Variants in TRIT1 observed in about 807,000 individuals in gnomAD.
The protein encoded by TRIT1 is tRNA dimethylallyltransferase.
In TRIT1, 43 loss-of-function variants were observed where a neutral mutation model predicts 51.2. The observed-to-expected ratio is 0.84, with a 90% CI of 0.66 to 1.08. The LOEUF is 1.08. TRIT1 is among the 50% of genes least tolerant of loss of function. TRIT1 has a pLI of 0.00. For synonymous variants in TRIT1, 184 were observed against 203.9 expected (o/e 0.90, Z 0.83); for missense variants, 528 against 578.4 (o/e 0.91, Z 0.89).
chr1:39,844,405 G>A (rs2124576503), intron 9 of TRIT1, 126 bp downstream of exon 9: 1 of 883,364 alleles, frequency 1.1e-6, no homozygotes, highest in Non-Finnish European at 1.8e-6. Flanking sequence ...GTATTAAAAA[G>A]CAGCCAGCCC....
intron 1 of TRIT1, among the ~76,000 whole-genome samples, chr1:39,866,559 T>C (rs528808414): frequency 3.7e-4 from 57 of 152,164 alleles, no homozygotes; most frequent in Non-Finnish European, 7.4e-4. Context: ...TAAACATAAC[T>C]TCAGTAGGTT....
At chr1:39,844,242 A>T (rs1313577917) in intron 9 of TRIT1, 24 bp from the exon 10 acceptor site, 1 of 1,541,886 alleles carries the variant, frequency 6.5e-7, no homozygotes, top group African/African-American at 1.4e-5. Context: ...GGTGGAAGGG[A>T]GTATTCAATT....
Position 39,841,713 on chromosome 1 carries a change from C to T in TRIT1, c.*31G>A, listed in dbSNP as rs375032892. 2.7e-5 allele frequency: 43 copies of T among 1,588,260 alleles called. No individual in the cohort carries two copies. Among genetic ancestry groups the T allele is most frequent in the Non-Finnish European group, 3.4e-5 (40 of 1,168,358 alleles). On this transcript the variant is annotated 3_prime_UTR_variant, in exon 11 of 11. Coordinates refer to ENST00000316891, the MANE Select transcript of TRIT1 (RefSeq NM_017646.6). ...CCCTCCCTCCTGAACTGGATCCCCA[C>T]CACCTTTCCAAAGGCCACTGGACAT...
Position 39,848,090 on chromosome 1 carries a change from A to T in TRIT1, c.711T>A (p.Asp237Glu), listed in dbSNP as rs752872268. ...CATCCACCCTCTTATCCAAGCGCTC[A>T]TCTAGAACTTGAATCAAATTAGCCC... is the stretch of plus-strand genomic sequence containing the variant. ...LWLHADQAVL[D>E]ERLDKRVDDM... The change falls in exon 6 of 11, where the codon GAT becomes GAA. Residue 237 changes from aspartate to glutamate, a missense_variant. Transcript: ENST00000316891. 5 of 1,613,958 alleles carry T rather than the reference A, an allele frequency of 3.1e-6. No individual in the cohort carries two copies. Among genetic ancestry groups the T allele is most frequent in the Non-Finnish European group, 4.2e-6 (5 of 1,179,860 alleles).
rs975558410 is a variant in TRIT1, at chr1:39,847,967, A to G, written c.815+19T>C. 5.6e-6 allele frequency: 9 copies of G among 1,605,744 alleles called. No individual in the cohort carries two copies. In the African/African-American group the frequency reaches 9.4e-5, roughly 17 times the overall value. On this transcript the variant is annotated intron_variant, in intron 6 of 10. Coordinates refer to ENST00000316891, the MANE Select transcript of TRIT1 (RefSeq NM_017646.6). ...TGCAAAATATGGACAGTAGGTCAGA[A>G]TAACAGCCAAATCCTCACCTATTTT...
intron 1 of TRIT1, among the ~76,000 whole-genome samples, chr1:39,879,981 C>T (rs552100566): frequency 8.7e-5 from 13 of 150,214 alleles, no homozygotes; most frequent in East Asian, 5.9e-4. Context: ...TCAAGACCAT[C>T]GTGGCCAACA....
chr1:39,844,919 T>C (rs780260608), intron 8 of TRIT1, among the ~76,000 whole-genome samples: 3 of 152,230 alleles, frequency 2.0e-5, no homozygotes, highest in Non-Finnish European at 4.4e-5. Flanking sequence ...CAAGTGACCA[T>C]TGTGTGAGCT....
intron 2 of TRIT1, among the ~76,000 whole-genome samples, chr1:39,855,652 C>G (rs1463626242): frequency 6.6e-6 from 1 of 151,772 alleles, no homozygotes; most frequent in Non-Finnish European, 1.5e-5. Flanking sequence ...GATGTTCAAC[C>G]TGTAGTATGA....
rs116143180 is a variant in TRIT1, at chr1:39,862,661, G to A, written c.175-5244C>T. 4.3e-3 allele frequency: 1,994 copies of A among 465,618 alleles called. 30 individuals carry two copies. Among genetic ancestry groups the A allele is most frequent in the African/African-American group, 0.04 (1,881 of 46,988 alleles). 28.8% of individuals were successfully genotyped at this position (465,618 alleles called of 1,614,324 possible). On this transcript the variant is annotated intron_variant, in intron 1 of 10. Transcript: ENST00000316891. Reference sequence around the variant, plus strand: ...ACTTAGAAATTAATCAATTTTGTAAGTATCACATTTGGTCCAGAGGTTTAG... The same window carrying A: ...ACTTAGAAATTAATCAATTTTGTAAATATCACATTTGGTCCAGAGGTTTAG...
intron 2 of TRIT1, among the ~76,000 whole-genome samples, chr1:39,856,309 AAAT>A (rs1642894491): frequency 6.6e-6 from 1 of 151,936 alleles, no homozygotes; most frequent in Non-Finnish European, 1.5e-5. Context: ...CCGTCTCAAA[AAAT>A]AATAATAATA....
At chr1:39,867,076 G>A (rs1052269302) in intron 1 of TRIT1, among the ~76,000 whole-genome samples, 1 of 152,206 alleles carries the variant, frequency 6.6e-6, no homozygotes, top group African/African-American at 2.4e-5. Context: ...TGCAGATTAT[G>A]GCTTTTATTC....
chr1:39,856,747 A>G (rs1642924998), intron 2 of TRIT1, among the ~76,000 whole-genome samples: 1 of 152,128 alleles, frequency 6.6e-6, no homozygotes, highest in Non-Finnish European at 1.5e-5. Flanking sequence ...GTCCTCTCCC[A>G]TCTAACAACC....
rs557932546 is a variant in TRIT1, at chr1:39,860,679, G to A, written c.175-3262C>T. 2.0e-5 allele frequency among the ~76,000 whole-genome samples: 3 copies of A among 152,250 alleles called. No homozygotes were observed. The South Asian group carries it at 6.2e-4, about 32-fold the overall frequency. ...GACAAACTCTAAGTGAAACAAGATT[G>A]GCCAAGTGTTCATAATTATCGACTC... On this transcript the variant is annotated intron_variant, in intron 1 of 10. Coordinates refer to ENST00000316891, the MANE Select transcript of TRIT1 (RefSeq NM_017646.6).
intron 1 of TRIT1, among the ~76,000 whole-genome samples, chr1:39,868,768 G>C (rs1166070407): frequency 6.6e-6 from 1 of 151,314 alleles, no homozygotes; most frequent in African/African-American, 2.4e-5. Flanking sequence ...ATGAAAAGAA[G>C]CTCAACACTG....
intron 1 of TRIT1, among the ~76,000 whole-genome samples, chr1:39,867,675 G>A (rs1286784228): frequency 1.3e-5 from 2 of 152,214 alleles, no homozygotes; most frequent in African/African-American, 4.8e-5. Context: ...AAACACTGGA[G>A]AAGCTCTGCA....
At chr1:39,847,756 T>C in intron 6 of TRIT1, 96 bp from the exon 7 acceptor site, 3 of 1,590,274 alleles carry the variant, frequency 1.9e-6, no homozygotes, top group South Asian at 2.3e-5. Flanking sequence ...ATCTGTCAGA[T>C]AAGGAAATTG....
intron 2 of TRIT1, 118 bp downstream of exon 2, chr1:39,857,159 C>A (rs757102804): frequency 1.8e-6 from 2 of 1,140,526 alleles, no homozygotes; most frequent in Non-Finnish European, 2.4e-6. Flanking sequence ...TGGCATCCAT[C>A]AGTATTTAGG....
chr1:39,880,484 C>A (rs1363607441), intron 1 of TRIT1, among the ~76,000 whole-genome samples: 2 of 152,094 alleles, frequency 1.3e-5, no homozygotes, highest in South Asian at 2.1e-4. Flanking sequence ...CACTGAAAAG[C>A]AGCATCTCCT....
chr1:39,842,410 G>C (rs1641962826), intron 10 of TRIT1, among the ~76,000 whole-genome samples: 2 of 152,212 alleles, frequency 1.3e-5, no homozygotes, highest in African/African-American at 4.8e-5. Context: ...CTGTATTGCA[G>C]GGCATTGCCT....
Sources: gnomAD v4.1 joint callset for allele counts (sites outside exome capture counted in the v4.1 genomes callset) on GRCh38, gnomAD v4.1.1 for gene constraint, MANE v1.5 for transcripts, NCBI Gene and HGNC (gene_info 2026-07-23, HGNC 2026-07-21) for gene names.